The following NRXN3 variants were observed in gnomAD, a reference collection of about 807,000 sequenced individuals.
The protein encoded by NRXN3 is neurexin III.
A neutral mutation model predicts 137.6 loss-of-function variants in NRXN3; 32 were observed. That is an observed-to-expected ratio of 0.23 (90% CI 0.18 to 0.31). The LOEUF (loss-of-function observed/expected upper bound fraction) is 0.31. Among genes scored for constraint, NRXN3 ranks in the 10% least tolerant of loss-of-function variants. The probability of loss-of-function intolerance (pLI) is 1.00; values close to 1 mark genes in which losing one functional copy is unlikely to be tolerated. For synonymous variants in NRXN3, 798 were observed against 784.5 expected (o/e 1.02, Z -0.29); for missense variants, 1,574 against 2,062.5 (o/e 0.76, Z 4.59).
At chr14:78,251,611 A>C (rs1027801564) in intron 2 of NRXN3, among the ~76,000 whole-genome samples, 6 of 152,162 alleles carry the variant, frequency 3.9e-5, no homozygotes, top group African/African-American at 1.2e-4. Flanking sequence ...TTTCTACTTC[A>C]TAACCACCAT....
chr14:79,653,934 C>T (rs1735266632), intron 16 of NRXN3, among the ~76,000 whole-genome samples: 1 of 152,116 alleles, frequency 6.6e-6, no homozygotes, highest in African/African-American at 2.4e-5. Flanking sequence ...ACGTACTGCA[C>T]CTAAGGGACC....
chr14:79,093,821 G>A (rs1176460302), intron 15 of NRXN3, among the ~76,000 whole-genome samples: 3 of 150,828 alleles, frequency 2.0e-5, no homozygotes, highest in Non-Finnish European at 3.0e-5. Flanking sequence ...TGGACTCAGA[G>A]TATGGGGCCT....
chr14:79,772,070 G>A (rs943434680), intron 19 of NRXN3, among the ~76,000 whole-genome samples: 1 of 146,728 alleles, frequency 6.8e-6, no homozygotes, highest in African/African-American at 2.5e-5. Context: ...ACCTTACAAG[G>A]GATGTGAAGG....
Position 79,861,120 on chromosome 14 carries a change from TCCC to T in NRXN3, c.4094-218_4094-216del. On this transcript the variant is annotated intron_variant, in intron 20 of 20. Transcript: ENST00000335750. The surrounding 1 kb of genome is among the most constrained non-coding windows in gnomAD (Gnocchi z 5.4). ...GCTACTCGTGCACCTTCCATTACAC[TCCC>T]CCCTACCTTTCGCCCCCTCCTCACC... is the stretch of plus-strand genomic sequence containing the variant. 1 of 1,474,914 alleles carries T rather than the reference TCCC, an allele frequency of 6.8e-7. No homozygotes were observed. Among genetic ancestry groups the T allele is most frequent in the African/African-American group, 1.4e-5 (1 of 70,886 alleles). The allele number at this position is 1,474,914 out of a possible 1,614,324, so 91.4% of individuals were successfully genotyped here. A position where few individuals can be genotyped will look rare whatever the true frequency, so the allele number is the denominator to read the frequency against.
intron 15 of NRXN3, among the ~76,000 whole-genome samples, chr14:79,275,737 G>GT (rs1024121093): frequency 2.0e-4 from 30 of 151,484 alleles, no homozygotes; most frequent in Non-Finnish European, 4.4e-5. Flanking sequence ...AGGATGGGGG[G>GT]GGGGACATTT....
intron 9 of NRXN3, among the ~76,000 whole-genome samples, chr14:78,806,255 A>G (rs1006735649): frequency 1.3e-5 from 2 of 152,124 alleles, no homozygotes; most frequent in Admixed American, 1.3e-4. Context: ...CCAACCTGAC[A>G]TGGAAAACTG....
chr14:79,060,312 C>A (rs2099672582), intron 15 of NRXN3, among the ~76,000 whole-genome samples: 1 of 152,190 alleles, frequency 6.6e-6, no homozygotes, highest in Non-Finnish European at 1.5e-5. Flanking sequence ...ATTTAAGCTT[C>A]TTTTCCTAGT....
intron 8 of NRXN3, among the ~76,000 whole-genome samples, chr14:78,772,635 A>G (rs1252414519): frequency 6.6e-6 from 1 of 152,332 alleles, no homozygotes; most frequent in African/African-American, 2.4e-5. Flanking sequence ...TTTAATATGC[A>G]CACAAATCAT....
intron 2 of NRXN3, among the ~76,000 whole-genome samples, chr14:78,256,700 G>T (rs1014251817): frequency 6.6e-6 from 1 of 152,208 alleles, no homozygotes; most frequent in East Asian, 1.9e-4. Flanking sequence ...CATATTCCTA[G>T]GAACCTGCAT....
At chr14:78,566,842 T>G (rs2096841052) in intron 4 of NRXN3, among the ~76,000 whole-genome samples, 1 of 152,164 alleles carries the variant, frequency 6.6e-6, no homozygotes, top group South Asian at 2.1e-4. Flanking sequence ...CTGTGGCTAG[T>G]GTGTGATTTG....
chr14:78,349,177 T>G (rs1354405814), intron 4 of NRXN3, among the ~76,000 whole-genome samples: 2 of 152,226 alleles, frequency 1.3e-5, no homozygotes, highest in Non-Finnish European at 2.9e-5. Flanking sequence ...ATTGTCTAAT[T>G]AGAACATGCG....
chr14:79,615,699 G>A (rs142761872), intron 16 of NRXN3, among the ~76,000 whole-genome samples: 18 of 152,144 alleles, frequency 1.2e-4, no homozygotes, highest in Middle Eastern at 6.8e-3. Context: ...GAAAAGCCCC[G>A]TATAGAACCA....
intron 4 of NRXN3, among the ~76,000 whole-genome samples, chr14:78,509,546 G>A (rs1318295872): frequency 1.3e-5 from 2 of 152,040 alleles, no homozygotes; most frequent in Non-Finnish European, 2.9e-5. Context: ...CGCCTGTTAG[G>A]TTTATATGCT....
Position 79,280,285 on chromosome 14 carries a change from G to C in NRXN3, c.3263-186936G>C, listed in dbSNP as rs769338704. The C allele has an allele frequency of 2.5e-6, 4 of 1,613,928 alleles. No homozygotes were observed. The Admixed American group carries it at 6.7e-5, about 27-fold the overall frequency. ...CTGCCCATCTGTAGTGGTCCCGTGCGTTGACCATGCACCTGAGAATCCACG... is the reference window on the plus strand; with the variant it reads ...CTGCCCATCTGTAGTGGTCCCGTGCCTTGACCATGCACCTGAGAATCCACG... On this transcript the variant is annotated intron_variant, in intron 15 of 20. Transcript: ENST00000335750.
chr14:78,390,811 T>A (rs1316282758), intron 4 of NRXN3, among the ~76,000 whole-genome samples: 1 of 152,210 alleles, frequency 6.6e-6, no homozygotes, highest in Non-Finnish European at 1.5e-5. Flanking sequence ...CCACGATACA[T>A]GTGCAGGATG....
intron 15 of NRXN3, among the ~76,000 whole-genome samples, chr14:79,004,230 G>C (rs1163847272): frequency 2.0e-5 from 3 of 152,074 alleles, no homozygotes; most frequent in African/African-American, 7.2e-5. Flanking sequence ...GCCTTTGCAT[G>C]GTGTTCATAT....
chr14:78,383,857 T>C (rs1485564417), intron 4 of NRXN3, among the ~76,000 whole-genome samples: 1 of 152,202 alleles, frequency 6.6e-6, no homozygotes, highest in Non-Finnish European at 1.5e-5. Context: ...GGAGAATTTT[T>C]GTACCTTGAC....
At chr14:78,999,994 A>C (rs2099538162) in intron 15 of NRXN3, among the ~76,000 whole-genome samples, 1 of 152,224 alleles carries the variant, frequency 6.6e-6, no homozygotes, top group Non-Finnish European at 1.5e-5. Flanking sequence ...GATGCATTAT[A>C]TACTGAAAAT....
intron 20 of NRXN3, among the ~76,000 whole-genome samples, chr14:79,840,650 G>T (rs2099353993): frequency 1.3e-5 from 2 of 152,076 alleles, no homozygotes; most frequent in South Asian, 2.1e-4. Flanking sequence ...ATATCTTTGG[G>T]TGAGTTACTT....
Sources: allele counts gnomAD v4.1 joint callset (sites outside exome capture counted in the v4.1 genomes callset), GRCh38; gene constraint gnomAD v4.1.1; non-coding constraint Gnocchi (gnomAD v3.1); transcripts MANE v1.5; gene names NCBI Gene and HGNC (gene_info 2026-07-23, HGNC 2026-07-21).